Variants in AK5 observed in about 807,000 individuals in gnomAD.
AK5 encodes the protein adenylate kinase 5, also known as adenylate kinase isoenzyme 5.
AK5 carries 27 observed loss-of-function variants against 69.5 expected under a neutral mutation model. The ratio of observed to expected loss-of-function variants is 0.39; its 90% CI spans 0.29 to 0.54. The LOEUF (loss-of-function observed/expected upper bound fraction) is 0.54. AK5 is among the 20% of genes least tolerant of loss of function. The probability of loss-of-function intolerance (pLI) is 0.71; values close to 1 mark genes in which losing one functional copy is unlikely to be tolerated. For synonymous variants in AK5, 260 were observed against 244.4 expected, an observed-to-expected ratio of 1.06 and a Z score of -0.60; for missense variants, 531 against 700.4, an observed-to-expected ratio of 0.76 and a Z score of 2.73.
chr1:77,293,462 A>G (rs964545697), intron 2 of AK5: 3 of 194,864 alleles, frequency 1.5e-5, no homozygotes, highest in African/African-American at 2.4e-5. Context: ...GAGGGCGGCA[A>G]AGTTTCATGA....
chr1:77,346,699 T>C (rs1285680451), intron 6 of AK5, among the ~76,000 whole-genome samples: 1 of 152,110 alleles, frequency 6.6e-6, no homozygotes, highest in African/African-American at 2.4e-5. Flanking sequence ...GGTCTCACTT[T>C]GTCCCTCAGG....
intron 8 of AK5, among the ~76,000 whole-genome samples, chr1:77,455,640 C>T (rs1653434837): frequency 2.0e-5 from 3 of 152,254 alleles, no homozygotes; most frequent in Admixed American, 2.0e-4. Context: ...TTGCTTGTAA[C>T]TCACCTAGTC....
chr1:77,544,486 A>T (rs1241744356), intron 13 of AK5, among the ~76,000 whole-genome samples: 2 of 151,714 alleles, frequency 1.3e-5, no homozygotes, highest in East Asian at 1.9e-4. Flanking sequence ...GTACATAAAT[A>T]TTTTTTCTTT....
intron 13 of AK5, among the ~76,000 whole-genome samples, chr1:77,546,491 C>T (rs1365167503): frequency 6.6e-6 from 1 of 152,150 alleles, no homozygotes; most frequent in Non-Finnish European, 1.5e-5. Flanking sequence ...GGGCAGATCT[C>T]TTGAGGTCAG....
At chr1:77,335,951 A>G (rs1226243329) in intron 5 of AK5, among the ~76,000 whole-genome samples, 1 of 152,174 alleles carries the variant, frequency 6.6e-6, no homozygotes, top group African/African-American at 2.4e-5. Flanking sequence ...TCACATGGTG[A>G]AAGGGACAGG....
At chr1:77,293,990 A>G (rs1658839948) in intron 3 of AK5, 30 bp downstream of exon 3, 1 of 1,591,254 alleles carries the variant, frequency 6.3e-7, no homozygotes, top group Admixed American at 1.8e-5. Context: ...AAATTCTCAT[A>G]CCGTTGCTGC....
chr1:77,384,771 G>A (rs1303876130), intron 6 of AK5, among the ~76,000 whole-genome samples: 1 of 152,132 alleles, frequency 6.6e-6, no homozygotes, highest in East Asian at 1.9e-4. Context: ...GTATATAATA[G>A]CATCTATCAA....
intron 8 of AK5, among the ~76,000 whole-genome samples, chr1:77,437,315 C>A (rs1425159749): frequency 1.3e-5 from 2 of 151,964 alleles, no homozygotes; most frequent in Non-Finnish European, 2.9e-5. Flanking sequence ...TACATACATG[C>A]AACATAAAAA....
chr1:77,305,101 T>C (rs1361037719), intron 5 of AK5, among the ~76,000 whole-genome samples: 1 of 152,224 alleles, frequency 6.6e-6, no homozygotes, highest in African/African-American at 2.4e-5. Context: ...TGTTGAACAC[T>C]TTTTCACATG....
chr1:77,344,954 TTTTG>T (rs1301736456), intron 6 of AK5, among the ~76,000 whole-genome samples: 7 of 149,092 alleles, frequency 4.7e-5, no homozygotes, highest in Non-Finnish European at 8.9e-5. Flanking sequence ...ATATATGCAA[TTTTG>T]TTTATTTTTA....
At chr1:77,426,981 G>A (rs1651254140) in intron 8 of AK5, among the ~76,000 whole-genome samples, 1 of 152,034 alleles carries the variant, frequency 6.6e-6, no homozygotes, top group South Asian at 2.1e-4. Context: ...ACCAAAAGCA[G>A]TGATAATGGG....
At chr1:77,369,825 T>A (rs1472785023) in intron 6 of AK5, among the ~76,000 whole-genome samples, 1 of 152,186 alleles carries the variant, frequency 6.6e-6, no homozygotes, top group African/African-American at 2.4e-5. Flanking sequence ...GACAAAAGCA[T>A]TAAGGATAAA....
chr1:77,482,250 C>T (rs920697326), intron 8 of AK5, among the ~76,000 whole-genome samples: 2 of 152,134 alleles, frequency 1.3e-5, no homozygotes, highest in Admixed American at 1.3e-4. Flanking sequence ...AGAAATGATA[C>T]AGGTGAAGAC....
At chr1:77,504,454 T>C (rs1254596985) in intron 10 of AK5, among the ~76,000 whole-genome samples, 1 of 151,772 alleles carries the variant, frequency 6.6e-6, no homozygotes, top group African/African-American at 2.4e-5. Context: ...TTTTTTAATA[T>C]ACATTTTTCA....
intron 6 of AK5, among the ~76,000 whole-genome samples, chr1:77,401,279 A>G (rs1649197125): frequency 6.6e-6 from 1 of 152,190 alleles, no homozygotes; most frequent in Admixed American, 6.5e-5. Flanking sequence ...CAATCAATCA[A>G]TCTTTTGGAG....
intron 8 of AK5, among the ~76,000 whole-genome samples, chr1:77,430,958 G>A (rs1268596410): frequency 1.3e-5 from 2 of 152,162 alleles, no homozygotes; most frequent in African/African-American, 2.4e-5. Flanking sequence ...ATAAGAGAGA[G>A]GAAAGTCTAT....
chr1:77,455,125 T>G (rs1653393774), intron 8 of AK5, among the ~76,000 whole-genome samples: 2 of 152,180 alleles, frequency 1.3e-5, no homozygotes, highest in African/African-American at 4.8e-5. Flanking sequence ...ATGAGAAAAC[T>G]GAGACTCTGA....
intron 10 of AK5, among the ~76,000 whole-genome samples, chr1:77,516,124 T>C (rs947771401): frequency 6.6e-6 from 1 of 152,134 alleles, no homozygotes; most frequent in Non-Finnish European, 1.5e-5. Flanking sequence ...TGCTAGAATA[T>C]AGAATATTAT....
intron 8 of AK5, among the ~76,000 whole-genome samples, chr1:77,467,125 A>C (rs191146962): frequency 1.3e-5 from 2 of 152,320 alleles, no homozygotes; most frequent in African/African-American, 4.8e-5. Context: ...AGTAATATCA[A>C]ATTGCCTCTT....
Sources: gnomAD v4.1 joint callset for allele counts (sites outside exome capture counted in the v4.1 genomes callset) on GRCh38, gnomAD v4.1.1 for gene constraint, MANE v1.5 for transcripts, NCBI Gene and HGNC (gene_info 2026-07-23, HGNC 2026-07-21) for gene names.